RGS22: variants seen among roughly 807,000 people sequenced by gnomAD.
RGS22 encodes regulator of G protein signaling 22.
A neutral mutation model predicts 172.9 loss-of-function variants in RGS22; 148 were observed. The observed-to-expected ratio is 0.86, with a 90% CI of 0.75 to 0.98. RGS22 has a LOEUF of 0.98. RGS22 is among the 50% of genes least tolerant of loss of function. The probability of loss-of-function intolerance (pLI) is 0.00; values close to 1 mark genes in which losing one functional copy is unlikely to be tolerated. For missense variants in RGS22, 1,347 were observed against 1,440.8 expected, an observed-to-expected ratio of 0.93 and a Z score of 1.05; for synonymous variants, 458 against 480.2, an observed-to-expected ratio of 0.95 and a Z score of 0.60.
chr8:100,043,110 T>C (rs535429967), intron 11 of RGS22, among the ~76,000 whole-genome samples: 1 of 152,334 alleles, frequency 6.6e-6, no homozygotes, highest in Admixed American at 6.5e-5. Context: ...TTGCCTATTA[T>C]CGGATTTCTT....
intron 3 of RGS22, among the ~76,000 whole-genome samples, chr8:100,090,972 C>T (rs1051057842): frequency 6.6e-5 from 10 of 152,066 alleles, no homozygotes; most frequent in Admixed American, 5.9e-4. Flanking sequence ...TTATTGAAAT[C>T]ATAATACATT....
chr8:100,045,628 T>C (rs1329104977), intron 11 of RGS22, among the ~76,000 whole-genome samples: 1 of 151,976 alleles, frequency 6.6e-6, no homozygotes, highest in African/African-American at 2.4e-5. Context: ...TTATAACTCC[T>C]ATGAAAGACA....
At chr8:99,992,109 G>A (rs1444111498) in intron 20 of RGS22, among the ~76,000 whole-genome samples, 1 of 152,194 alleles carries the variant, frequency 6.6e-6, no homozygotes, top group African/African-American at 2.4e-5. Flanking sequence ...AAGAGCTCCT[G>A]AAGGGAGCAC....
At chr8:100,026,569 T>C (rs567280998) in intron 14 of RGS22, among the ~76,000 whole-genome samples, 19 of 152,286 alleles carry the variant, frequency 1.2e-4, no homozygotes, top group African/African-American at 4.6e-4. Flanking sequence ...TTCATAGAAA[T>C]AGAAGGAGAA....
At chr8:100,064,412 G>T (rs1421111433) in intron 7 of RGS22, among the ~76,000 whole-genome samples, 1 of 151,974 alleles carries the variant, frequency 6.6e-6, no homozygotes. Context: ...GCAGTGAGCT[G>T]GGAGCATACC....
chr8:100,022,245 G>A (rs570054993), intron 14 of RGS22, among the ~76,000 whole-genome samples: 11 of 152,210 alleles, frequency 7.2e-5, no homozygotes, highest in African/African-American at 2.6e-4. Context: ...GGACTTGTAC[G>A]AAAAAAGATA....
At chr8:100,078,270 ACT>A (rs1314278286) in intron 4 of RGS22, among the ~76,000 whole-genome samples, 3 of 151,564 alleles carry the variant, frequency 2.0e-5, no homozygotes, top group Admixed American at 6.6e-5. Flanking sequence ...ATGAGGCCTC[ACT>A]CTGTCACCCA....
intron 6 of RGS22, among the ~76,000 whole-genome samples, chr8:100,066,752 G>C (rs1051564801): frequency 3.9e-5 from 6 of 152,162 alleles, no homozygotes; most frequent in African/African-American, 1.4e-4. Context: ...CAGTATGACA[G>C]AGACACTATT....
intron 4 of RGS22, among the ~76,000 whole-genome samples, 157 bp downstream of exon 4, chr8:100,079,977 C>T (rs750887843): frequency 4.6e-5 from 7 of 152,044 alleles, no homozygotes; most frequent in Admixed American, 2.0e-4. Context: ...GCTGAACTGG[C>T]CATTGGATTT....
intron 20 of RGS22, among the ~76,000 whole-genome samples, chr8:99,991,175 G>T (rs1016163457): frequency 2.6e-5 from 4 of 152,192 alleles, no homozygotes; most frequent in Admixed American, 2.0e-4. Context: ...GAGCAGAAAA[G>T]CTGAAAATTC....
At chr8:99,978,408 T>C (rs955895448) in intron 22 of RGS22, among the ~76,000 whole-genome samples, 13 of 152,186 alleles carry the variant, frequency 8.5e-5, no homozygotes, top group Admixed American at 6.5e-5. Flanking sequence ...TTAAAACATA[T>C]ACTAGTTGAT....
intron 14 of RGS22, among the ~76,000 whole-genome samples, chr8:100,030,289 A>G (rs1319535038): frequency 6.6e-6 from 1 of 152,232 alleles, no homozygotes; most frequent in Non-Finnish European, 1.5e-5. Flanking sequence ...TGTATAGTAC[A>G]AAATACTTGA....
intron 3 of RGS22, among the ~76,000 whole-genome samples, chr8:100,087,020 T>C (rs1391275079): frequency 6.6e-6 from 1 of 152,174 alleles, no homozygotes; most frequent in Non-Finnish European, 1.5e-5. Context: ...GAAAGAGCCC[T>C]GGTCTTTCAT....
chr8:100,063,533 C>A lies in RGS22; in HGVS notation c.1235G>T (p.Arg412Ile). The A allele has an allele frequency of 6.2e-7, 1 of 1,614,058 alleles. No individual in the cohort carries two copies. The highest frequency in any genetic ancestry group is 8.5e-7 in the Non-Finnish European group (1 of 1,179,986). Residue 412 changes from arginine (R) to isoleucine (I), a missense_variant, in exon 8 of 28, where the codon AGA (arginine) becomes ATA (isoleucine). Arg to Ile is a moderately conservative substitution (Grantham distance 97). Coordinates refer to ENST00000360863, the MANE Select transcript of RGS22 (RefSeq NM_015668.5). ...ISHRTYDIGN[R>I]KEFERFKKFI... ...TTTCTTAAATCTTTCAAACTCCTTTCTATTGCCAATGTCATAAGTCCTATG... is the reference window on the plus strand; with the variant it reads ...TTTCTTAAATCTTTCAAACTCCTTTATATTGCCAATGTCATAAGTCCTATG...
rs1483003978 is a variant in RGS22, at chr8:100,105,870, C to T, written c.25+27G>A. Reference sequence around the variant, plus strand: ...GCGGCCCCGACGCCGCGGGCTGATCCTCTGTCCCTGTGGGGCCGCCACCTA... The same window carrying T: ...GCGGCCCCGACGCCGCGGGCTGATCTTCTGTCCCTGTGGGGCCGCCACCTA... On this transcript the variant is annotated intron_variant, in intron 1 of 27. Transcript: ENST00000360863. The T allele has an allele frequency of 6.0e-6, 9 of 1,505,410 alleles. No homozygotes were observed. The Admixed American group carries it at 8.9e-5, about 15-fold the overall frequency. 93.3% of individuals were successfully genotyped at this position (1,505,410 alleles called of 1,614,324 possible). A position where few individuals can be genotyped will look rare whatever the true frequency, so the allele number is the denominator to read the frequency against.
At chr8:100,071,268 C>G (rs1810949906) in intron 6 of RGS22, 101 bp downstream of exon 6, 1 of 1,038,318 alleles carries the variant, frequency 9.6e-7, no homozygotes, top group Admixed American at 2.7e-5. Flanking sequence ...AGCCTGGTGA[C>G]AGAGTGAGAT....
At chr8:99,981,724 G>GTT (rs534670626) in intron 22 of RGS22, among the ~76,000 whole-genome samples, 37 of 129,924 alleles carry the variant, frequency 2.8e-4, no homozygotes, top group African/African-American at 4.8e-4. Flanking sequence ...TTTTTTTTAG[G>GTT]TTTTTTTTTT....
chr8:99,969,382 CA>C (rs1811089385), intron 23 of RGS22, among the ~76,000 whole-genome samples: 1 of 152,184 alleles, frequency 6.6e-6, no homozygotes, highest in African/African-American at 2.4e-5. Context: ...ATCAAATTCA[CA>C]CATAACAATA....
intron 23 of RGS22, among the ~76,000 whole-genome samples, chr8:99,966,471 T>A (rs558003307): frequency 2.6e-5 from 4 of 151,928 alleles, no homozygotes; most frequent in African/African-American, 9.7e-5. Flanking sequence ...AAAAAAAACT[T>A]ACCCAAACTT....
Sources: allele counts gnomAD v4.1 joint callset (sites outside exome capture counted in the v4.1 genomes callset), GRCh38; gene constraint gnomAD v4.1.1; transcripts MANE v1.5; gene names NCBI Gene and HGNC (gene_info 2026-07-23, HGNC 2026-07-21).